The following EPHA3 variants were observed in gnomAD, a reference collection of about 807,000 sequenced individuals.
The protein encoded by EPHA3 is ephrin type-A receptor 3.
A neutral mutation model predicts 107.1 loss-of-function variants in EPHA3; 42 were observed. The ratio of observed to expected loss-of-function variants is 0.39; its 90% CI spans 0.31 to 0.51. The LOEUF (loss-of-function observed/expected upper bound fraction) is 0.51, where lower values mean the gene tolerates loss of function less well. Among genes scored for constraint, EPHA3 ranks in the 20% least tolerant of loss-of-function variants. EPHA3 has a pLI of 0.78. For synonymous variants in EPHA3, 461 were observed against 424.8 expected (o/e 1.09, Z -1.05); for missense variants, 1,183 against 1,211.2 (o/e 0.98, Z 0.35).
intron 15 of EPHA3, among the ~76,000 whole-genome samples, chr3:89,470,610 G>T (rs1188106651): frequency 5.3e-5 from 8 of 152,166 alleles, no homozygotes; most frequent in African/African-American, 1.9e-4. Flanking sequence ...AGGCCTTACG[G>T]TTCCAGTATC....
chr3:89,153,934 G>C (rs1364363936), intron 2 of EPHA3, among the ~76,000 whole-genome samples: 1 of 151,980 alleles, frequency 6.6e-6, no homozygotes, highest in Admixed American at 6.6e-5. Context: ...CCTTGCTAGT[G>C]TCCACGGTGT....
intron 2 of EPHA3, among the ~76,000 whole-genome samples, chr3:89,131,305 G>T (rs1168370185): frequency 2.6e-5 from 4 of 151,966 alleles, no homozygotes; most frequent in Non-Finnish European, 5.9e-5. Context: ...CAGAAATTTG[G>T]GTAAATAATT....
chr3:89,466,957 A>G (rs1368272876), intron 15 of EPHA3, among the ~76,000 whole-genome samples: 2 of 152,106 alleles, frequency 1.3e-5, no homozygotes, highest in Non-Finnish European at 2.9e-5. Context: ...TTTTGTCCTT[A>G]AGGCCTAGAG....
chr3:89,309,210 G>A, intron 3 of EPHA3, among the ~76,000 whole-genome samples: 1 of 152,092 alleles, frequency 6.6e-6, no homozygotes, highest in Non-Finnish European at 1.5e-5. Context: ...GAGAATGAAT[G>A]GGTATAAGAA....
intron 1 of EPHA3, among the ~76,000 whole-genome samples, chr3:89,121,086 A>G (rs1438563330): frequency 6.6e-6 from 1 of 152,022 alleles, no homozygotes; most frequent in African/African-American, 2.4e-5. Context: ...CAAAAACAAA[A>G]TTAGCCAGGC....
At chr3:89,262,603 C>A (rs1185780192) in intron 3 of EPHA3, among the ~76,000 whole-genome samples, 2 of 152,226 alleles carry the variant, frequency 1.3e-5, no homozygotes, top group African/African-American at 2.4e-5. Flanking sequence ...TCTGCAAAGA[C>A]CTTTTTGAAG....
intron 13 of EPHA3, among the ~76,000 whole-genome samples, chr3:89,440,746 G>A (rs1709766782): frequency 6.6e-6 from 1 of 152,178 alleles, no homozygotes; most frequent in African/African-American, 2.4e-5. Context: ...GTGGAGTTTA[G>A]CAGTTATGTA....
chr3:89,431,247 G>A lies in EPHA3; in HGVS notation c.2234G>A (p.Arg745Gln), dbSNP rs756739935. The A allele has an allele frequency of 1.2e-6, 2 of 1,613,840 alleles. No individual in the cohort carries two copies. Among genetic ancestry groups the A allele is most frequent in the East Asian group, 2.2e-5 (1 of 44,850 alleles). ...KYLSDMGYVH[R>Q]DLAARNILIN... Reference sequence around the variant, plus strand: ...CTGTCAGACATGGGCTATGTTCACCGAGACCTCGCTGCTCGGAACATCTTG... The same window carrying A: ...CTGTCAGACATGGGCTATGTTCACCAAGACCTCGCTGCTCGGAACATCTTG... Residue 745 changes from arginine (R) to glutamine (Q), a missense_variant, in exon 13 of 17, where the codon CGA becomes CAA. Transcript: ENST00000336596.
chr3:89,377,535 C>G (rs1708424803), intron 5 of EPHA3, among the ~76,000 whole-genome samples: 1 of 152,056 alleles, frequency 6.6e-6, no homozygotes, highest in African/African-American at 2.4e-5. Context: ...TGTATGAAAA[C>G]CAACTGTGAA....
At chr3:89,310,587 A>G (rs1324443584) in intron 3 of EPHA3, among the ~76,000 whole-genome samples, 4 of 151,890 alleles carry the variant, frequency 2.6e-5, no homozygotes, top group African/African-American at 9.7e-5. Context: ...ACCTCTCCAA[A>G]AAACAGGGAC....
At chr3:89,160,548 TTG>T (rs1164056787) in intron 2 of EPHA3, among the ~76,000 whole-genome samples, 5,549 of 120,372 alleles carry the variant, frequency 0.046, 152 homozygotes, top group East Asian at 0.17. Context: ...ATATTAGATT[TTG>T]TGTGTGTGTG....
intron 2 of EPHA3, among the ~76,000 whole-genome samples, chr3:89,191,002 T>C (rs1298712843): frequency 2.6e-5 from 4 of 152,200 alleles, no homozygotes; most frequent in African/African-American, 7.2e-5. Flanking sequence ...TGGGGGTATA[T>C]GATTCAGCCC....
chr3:89,177,040 A>T (rs901798475), intron 2 of EPHA3, among the ~76,000 whole-genome samples: 1 of 151,890 alleles, frequency 6.6e-6, no homozygotes, highest in Non-Finnish European at 1.5e-5. Context: ...CCAAACGCTT[A>T]CTTATATGTA....
intron 3 of EPHA3, among the ~76,000 whole-genome samples, chr3:89,221,972 A>G (rs1704388014): frequency 6.6e-6 from 1 of 152,146 alleles, no homozygotes; most frequent in Admixed American, 6.5e-5. Flanking sequence ...TAATTAGCAT[A>G]ACATCTCTTT....
chr3:89,328,060 G>A lies in EPHA3; in HGVS notation c.815-12856G>A, dbSNP rs543569091. The stretch of plus-strand genomic sequence containing the variant: ...TTGCAGTCAGCCGAGATCATGCCAC[G>A]GTACTCCAGCCTGGGTGATAGAGTG... On this transcript the variant is annotated intron_variant, in intron 3 of 16. Coordinates refer to ENST00000336596, the MANE Select transcript of EPHA3 (RefSeq NM_005233.6). Among the ~76,000 whole-genome samples the A allele has an allele frequency of 5.3e-5, 8 of 151,702 alleles. No homozygotes were observed. In the East Asian group the frequency reaches 1.2e-3, roughly 22 times the overall value.
chr3:89,429,787 A>C (rs1432442948), intron 12 of EPHA3, among the ~76,000 whole-genome samples: 1 of 150,904 alleles, frequency 6.6e-6, no homozygotes, highest in East Asian at 1.9e-4. Flanking sequence ...GCAATGGTGC[A>C]ATGGTGCAAT....
intron 3 of EPHA3, among the ~76,000 whole-genome samples, chr3:89,221,086 C>T (rs981708674): frequency 2.0e-5 from 3 of 152,164 alleles, no homozygotes; most frequent in African/African-American, 4.8e-5. Flanking sequence ...TGGAACAGAT[C>T]GCTTGTGTGG....
intron 3 of EPHA3, among the ~76,000 whole-genome samples, chr3:89,308,767 A>C (rs1706692838): frequency 6.6e-6 from 1 of 152,146 alleles, no homozygotes; most frequent in Non-Finnish European, 1.5e-5. Flanking sequence ...GTTTGTGTAA[A>C]GGAATCTGGG....
At chr3:89,279,027 C>T (rs1237183211) in intron 3 of EPHA3, among the ~76,000 whole-genome samples, 2 of 152,000 alleles carry the variant, frequency 1.3e-5, no homozygotes, top group African/African-American at 4.8e-5. Flanking sequence ...GTGTTTTTTT[C>T]CCCTCACATT....
Sources: allele counts gnomAD v4.1 joint callset (sites outside exome capture counted in the v4.1 genomes callset), GRCh38; gene constraint gnomAD v4.1.1; transcripts MANE v1.5; gene names NCBI Gene and HGNC (gene_info 2026-07-23, HGNC 2026-07-21).